The following CNTN4 variants were observed in gnomAD, a reference collection of about 807,000 sequenced individuals.
CNTN4 encodes the protein contactin-4.
CNTN4 carries 77 observed loss-of-function variants against 122.5 expected under a neutral mutation model. The ratio of observed to expected loss-of-function variants is 0.63; its 90% CI spans 0.52 to 0.76. The LOEUF is 0.76. CNTN4 is among the 30% of genes least tolerant of loss of function. The pLI is 0.00. For missense variants in CNTN4, 1,256 were observed against 1,259.1 expected, an observed-to-expected ratio of 1.00 and a Z score of 0.04; for synonymous variants, 512 against 447.0, an observed-to-expected ratio of 1.15 and a Z score of -1.83.
chr3:2,495,946 G>C (rs2076441652), intron 3 of CNTN4, among the ~76,000 whole-genome samples: 1 of 152,206 alleles, frequency 6.6e-6, no homozygotes, highest in South Asian at 2.1e-4. Context: ...GCAGTCCACA[G>C]CACCTGGCTG....
chr3:2,484,275 A>C (rs375523478), intron 3 of CNTN4, among the ~76,000 whole-genome samples: 35 of 152,342 alleles, frequency 2.3e-4, no homozygotes, highest in Middle Eastern at 3.4e-3. Flanking sequence ...TTAGAACAAT[A>C]AGCCAATCTT....
chr3:2,578,544 C>A (rs999258157), intron 4 of CNTN4, among the ~76,000 whole-genome samples: 4 of 152,164 alleles, frequency 2.6e-5, no homozygotes, highest in Non-Finnish European at 5.9e-5. Flanking sequence ...AGGCAACAGT[C>A]AAATAATTCA....
chr3:2,985,180 A>G (rs927016903), intron 13 of CNTN4: 2 of 152,288 alleles, frequency 1.3e-5, no homozygotes, highest in Non-Finnish European at 2.9e-5. Flanking sequence ...GAAGTTGGTA[A>G]TCATCTGTGT....
At chr3:2,990,289 A>G (rs1694939678) in intron 14 of CNTN4, among the ~76,000 whole-genome samples, 1 of 152,232 alleles carries the variant, frequency 6.6e-6, no homozygotes, top group Non-Finnish European at 1.5e-5. Flanking sequence ...ATATTTTCAA[A>G]TGGATATGCG....
intron 2 of CNTN4, among the ~76,000 whole-genome samples, chr3:2,126,337 C>T (rs1200166136): frequency 6.6e-6 from 1 of 152,118 alleles, no homozygotes; most frequent in African/African-American, 2.4e-5. Flanking sequence ...TGGCACATTT[C>T]AGGGTGTCAC....
chr3:2,377,785 A>C (rs34550005), intron 3 of CNTN4, among the ~76,000 whole-genome samples: 1 of 150,814 alleles, frequency 6.6e-6, no homozygotes, highest in Non-Finnish European at 1.5e-5. Context: ...ATTTTTTTTT[A>C]ACCTCATCAG....
rs200130760 is a variant in CNTN4 at position 2,825,621 on chromosome 3, CA to C, written c.454+6042del. Among the ~76,000 whole-genome samples the C allele has an allele frequency of 4.5e-3, 687 of 152,214 alleles. 6 individuals carry two copies. The highest frequency in any genetic ancestry group is 0.016 in the African/African-American group (647 of 41,526). ...GGAGGATTCCTTGAGCCTAGCAGTT[CA>C]AGGCTGCAGTGAGCTATGATCACAC... On this transcript the variant is annotated intron_variant, in intron 7 of 24. Coordinates refer to ENST00000418658, the MANE Select transcript of CNTN4 (RefSeq NM_175607.3).
chr3:3,023,285 T>G (rs1698451073), intron 14 of CNTN4, among the ~76,000 whole-genome samples: 1 of 152,218 alleles, frequency 6.6e-6, no homozygotes. Context: ...TGATTCTTGC[T>G]GCTTTAAGGC....
At chr3:2,409,050 C>A (rs1387950315) in intron 3 of CNTN4, among the ~76,000 whole-genome samples, 2 of 151,908 alleles carry the variant, frequency 1.3e-5, no homozygotes, top group Non-Finnish European at 2.9e-5. Flanking sequence ...TTTACATTTG[C>A]GTTGTTGAAG....
At chr3:2,852,282 A>G (rs1057010858) in intron 7 of CNTN4, among the ~76,000 whole-genome samples, 10 of 152,216 alleles carry the variant, frequency 6.6e-5, no homozygotes, top group Admixed American at 6.5e-5. Flanking sequence ...ATTAGCTCCA[A>G]GAGATGAGTC....
At chr3:2,911,263 C>T (rs2094296575) in intron 12 of CNTN4, among the ~76,000 whole-genome samples, 1 of 152,050 alleles carries the variant, frequency 6.6e-6, no homozygotes, top group Non-Finnish European at 1.5e-5. Flanking sequence ...GGTCCAGTAC[C>T]AACAGAGGGA....
chr3:3,045,959 G>A (rs1245436314), intron 23 of CNTN4, among the ~76,000 whole-genome samples: 1 of 152,180 alleles, frequency 6.6e-6, no homozygotes, highest in Non-Finnish European at 1.5e-5. Context: ...GAAAACCATG[G>A]CACGAGAACT....
chr3:2,839,301 A>G (rs1261002403), intron 7 of CNTN4, among the ~76,000 whole-genome samples: 1 of 152,154 alleles, frequency 6.6e-6, no homozygotes, highest in African/African-American at 2.4e-5. Flanking sequence ...AGTGCCTTTA[A>G]GATTCTGGCT....
chr3:2,458,428 C>T (rs1011517046), intron 3 of CNTN4, among the ~76,000 whole-genome samples: 2 of 151,988 alleles, frequency 1.3e-5, no homozygotes, highest in African/African-American at 2.4e-5. Flanking sequence ...AATAAACTAT[C>T]TTTGTTAGAA....
intron 4 of CNTN4, among the ~76,000 whole-genome samples, chr3:2,677,258 T>A (rs2084909193): frequency 6.6e-6 from 1 of 150,858 alleles, no homozygotes; most frequent in Non-Finnish European, 1.5e-5. Context: ...TATCTATACA[T>A]CTATGTATAT....
intron 14 of CNTN4, among the ~76,000 whole-genome samples, chr3:3,020,971 C>T (rs1271789602): frequency 6.6e-6 from 1 of 152,206 alleles, no homozygotes; most frequent in African/African-American, 2.4e-5. Flanking sequence ...TATTACCTCC[C>T]TAAATTGGAA....
intron 3 of CNTN4, among the ~76,000 whole-genome samples, chr3:2,524,035 T>G (rs1461385785): frequency 6.6e-6 from 1 of 152,138 alleles, no homozygotes; most frequent in Non-Finnish European, 1.5e-5. Flanking sequence ...ACATTTAAAT[T>G]GTACAATTCA....
chr3:2,210,162 T>C (rs956075279), intron 2 of CNTN4, among the ~76,000 whole-genome samples: 1 of 152,178 alleles, frequency 6.6e-6, no homozygotes, highest in African/African-American at 2.4e-5. Context: ...GAGAGAATTA[T>C]GCTTGTCCAT....
intron 10 of CNTN4, among the ~76,000 whole-genome samples, chr3:2,896,643 A>G (rs911864118): frequency 1.3e-5 from 2 of 152,206 alleles, no homozygotes; most frequent in African/African-American, 2.4e-5. Context: ...TGCCAATACT[A>G]GGAACACTGA....
Sources: gnomAD v4.1 joint callset for allele counts (sites outside exome capture counted in the v4.1 genomes callset) on GRCh38, gnomAD v4.1.1 for gene constraint, MANE v1.5 for transcripts, NCBI Gene and HGNC (gene_info 2026-07-23, HGNC 2026-07-21) for gene names.